Variants in CMIP observed in about 807,000 individuals in gnomAD.
CMIP encodes the protein c-Maf inducing protein, also known as C-Maf-inducing protein.
Under a neutral mutation model 97.3 loss-of-function variants are expected in CMIP, and 13 were observed. That is an observed-to-expected ratio of 0.13 (90% confidence interval 0.09 to 0.21). The LOEUF (loss-of-function observed/expected upper bound fraction) is 0.21. CMIP is among the 10% of genes least tolerant of loss of function. The pLI is 1.00. For synonymous variants in CMIP, 538 were observed against 436.3 expected (o/e 1.23, Z -2.91); for missense variants, 847 against 1,024.9 (o/e 0.83, Z 2.37).
chr16:81,554,609 C>T (rs2090724873), intron 1 of CMIP, among the ~76,000 whole-genome samples: 1 of 152,250 alleles, frequency 6.6e-6, no homozygotes, highest in African/African-American at 2.4e-5. Flanking sequence ...CAGATTTCTA[C>T]TTTCTGGCTC....
At chr16:81,451,850 T>A (rs1284058959) in intron 1 of CMIP, among the ~76,000 whole-genome samples, 3 of 152,204 alleles carry the variant, frequency 2.0e-5, no homozygotes, top group African/African-American at 4.8e-5. Flanking sequence ...CCCAGCCCCA[T>A]GGTGGAGGAA....
chr16:81,557,684 A>G (rs1233910887), intron 1 of CMIP, among the ~76,000 whole-genome samples: 2 of 152,170 alleles, frequency 1.3e-5, no homozygotes, highest in East Asian at 1.9e-4. Flanking sequence ...CCAAGGTGGG[A>G]GGATCGCCTA....
chr16:81,578,936 C>T (rs6564890), intron 1 of CMIP, among the ~76,000 whole-genome samples: 60,943 of 152,164 alleles, frequency 0.4, 14,531 homozygotes, highest in Non-Finnish European at 0.53. Flanking sequence ...TCTGTGCTGG[C>T]CAGTGGGAGA....
In CMIP at chr16:81,493,450, T is replaced by G. The variant is rs537723422; in HGVS notation, c.300+47909T>G. 2.5e-4 allele frequency among the ~76,000 whole-genome samples: 38 copies of G among 152,290 alleles called. No individual in the cohort carries two copies. In the East Asian group the frequency reaches 5.4e-3, roughly 22 times the overall value. On this transcript the variant is annotated intron_variant, in intron 1 of 20. Transcript: ENST00000537098. Reference sequence around the variant, plus strand: ...CCACTTCCTCAAGTCTTTGTGAGGATTAAACGAAGTACGAAATATAAAGCA... The same window carrying G: ...CCACTTCCTCAAGTCTTTGTGAGGAGTAAACGAAGTACGAAATATAAAGCA...
At chr16:81,531,786 C>T (rs571788149) in intron 1 of CMIP, among the ~76,000 whole-genome samples, 3 of 152,192 alleles carry the variant, frequency 2.0e-5, no homozygotes, top group Non-Finnish European at 4.4e-5. Context: ...AACCATGTCA[C>T]CACCAGGAAG....
intron 1 of CMIP, among the ~76,000 whole-genome samples, chr16:81,516,676 T>TTG (rs2089920519): frequency 6.6e-6 from 1 of 152,222 alleles, no homozygotes; most frequent in Admixed American, 6.5e-5. Flanking sequence ...ATAGCTTTAG[T>TTG]TGTCTGCAGC....
chr16:81,600,341 A>G (rs990756523), intron 1 of CMIP, among the ~76,000 whole-genome samples: 62 of 152,204 alleles, frequency 4.1e-4, no homozygotes, highest in Non-Finnish European at 4.0e-4. Flanking sequence ...GATAGAGACA[A>G]TCCATGTGTC....
At chr16:81,671,912 T>G (rs1239198834) in intron 8 of CMIP, 54 bp from the exon 9 acceptor site, 4 of 942,794 alleles carry the variant, frequency 4.2e-6, no homozygotes, top group Non-Finnish European at 6.7e-6. Context: ...CCTTACCCTG[T>G]CCATGGGCCC....
intron 1 of CMIP, among the ~76,000 whole-genome samples, chr16:81,540,546 T>C (rs889112407): frequency 2.0e-5 from 3 of 152,192 alleles, no homozygotes; most frequent in South Asian, 4.1e-4. Flanking sequence ...AGTGATCCTC[T>C]CCTGCCTCGG....
intron 1 of CMIP, among the ~76,000 whole-genome samples, chr16:81,468,623 T>G (rs1019903819): frequency 5.3e-5 from 8 of 152,048 alleles, no homozygotes. Flanking sequence ...GTGCTAAGGG[T>G]TGGGAGTGTG....
chr16:81,592,708 G>A (rs911049130), intron 1 of CMIP, among the ~76,000 whole-genome samples: 4 of 152,236 alleles, frequency 2.6e-5, no homozygotes, highest in Non-Finnish European at 4.4e-5. Context: ...ACTGCTTGAT[G>A]GACCCGAACC....
intron 1 of CMIP, among the ~76,000 whole-genome samples, chr16:81,447,514 G>T (rs1022970234): frequency 1.3e-5 from 2 of 152,142 alleles, no homozygotes; most frequent in Non-Finnish European, 2.9e-5. Context: ...GAGGCCCCTC[G>T]CTCACCTTGG....
chr16:81,509,775 G>T (rs2089776874), intron 1 of CMIP, among the ~76,000 whole-genome samples: 1 of 152,196 alleles, frequency 6.6e-6, no homozygotes, highest in Non-Finnish European at 1.5e-5. Context: ...CATCCTTGGG[G>T]CTGGGTCTTA....
chr16:81,664,384 G>C, intron 7 of CMIP, 35 bp downstream of exon 7: 1 of 1,562,430 alleles, frequency 6.4e-7, no homozygotes, highest in Non-Finnish European at 8.7e-7. Context: ...AGACCCCAGC[G>C]CCCAGAACAT....
At chr16:81,511,170 T>G (rs868674057) in intron 1 of CMIP, among the ~76,000 whole-genome samples, 4 of 152,234 alleles carry the variant, frequency 2.6e-5, no homozygotes, top group African/African-American at 9.6e-5. Flanking sequence ...CAGCCACTGT[T>G]TAGATGCAAA....
chr16:81,488,106 C>T (rs759955732), intron 1 of CMIP, among the ~76,000 whole-genome samples: 112,089 of 152,030 alleles, frequency 0.74, 41,540 homozygotes, highest in East Asian at 0.87. Flanking sequence ...GAGACTGCTG[C>T]ATGACTTTTA....
In CMIP at chr16:81,599,328, C is replaced by G. The variant is rs951528359; in HGVS notation, c.301-8239C>G. Among the ~76,000 whole-genome samples the G allele has an allele frequency of 5.3e-5, 8 of 152,284 alleles. No homozygotes were observed. In the East Asian group the frequency reaches 7.7e-4, roughly 15 times the overall value. ...TCTGGGACCAAGGCCCAAACCGGCC[C>G]TTCTAGGATCATATCGTTACCTGCC... On this transcript the variant is annotated intron_variant, in intron 1 of 20. Coordinates refer to ENST00000537098, the MANE Select transcript of CMIP (RefSeq NM_198390.3).
At chr16:81,551,167 A>G (rs2090649908) in intron 1 of CMIP, among the ~76,000 whole-genome samples, 1 of 147,798 alleles carries the variant, frequency 6.8e-6, no homozygotes, top group Admixed American at 6.8e-5. Flanking sequence ...GTTCCATCAC[A>G]TATGTCCCAG....
chr16:81,537,546 CAAAAAAAAAAAAAA>C (rs397695977), intron 1 of CMIP, among the ~76,000 whole-genome samples: 5 of 82,086 alleles, frequency 6.1e-5, no homozygotes, highest in South Asian at 5.6e-4. Context: ...AAAAAAAAGA[CAAAAAAAAAAAAAA>C]AAAAAAAAAA....
Sources: gnomAD v4.1 joint callset for allele counts (sites outside exome capture counted in the v4.1 genomes callset) on GRCh38, gnomAD v4.1.1 for gene constraint, MANE v1.5 for transcripts, NCBI Gene and HGNC (gene_info 2026-07-23, HGNC 2026-07-21) for gene names.